SLC30A9: variants seen among roughly 807,000 people sequenced by gnomAD.
SLC30A9 encodes solute carrier family 30 member 9.
Under a neutral mutation model 87.5 loss-of-function variants are expected in SLC30A9, and 58 were observed. The ratio of observed to expected loss-of-function variants is 0.66; its 90% CI spans 0.54 to 0.82. The LOEUF (loss-of-function observed/expected upper bound fraction) is 0.82, where lower values mean the gene tolerates loss of function less well. SLC30A9 is among the 40% of genes least tolerant of loss of function. SLC30A9 has a pLI of 0.00. For missense variants in SLC30A9, 557 were observed against 679.1 expected, an observed-to-expected ratio of 0.82 and a Z score of 2.00; for synonymous variants, 234 against 233.0, an observed-to-expected ratio of 1.00 and a Z score of -0.04.
intron 8 of SLC30A9, among the ~76,000 whole-genome samples, chr4:42,039,698 T>C (rs1301782866): frequency 1.3e-5 from 2 of 152,026 alleles, no homozygotes; most frequent in Non-Finnish European, 2.9e-5. Flanking sequence ...CCTGACCTCG[T>C]GATCTGCCCA....
intron 7 of SLC30A9, among the ~76,000 whole-genome samples, chr4:42,038,420 T>C (rs762225681): frequency 3.9e-5 from 6 of 152,224 alleles, no homozygotes; most frequent in Non-Finnish European, 7.3e-5. Flanking sequence ...GTTCCCATAA[T>C]AATTTCATTG....
intron 15 of SLC30A9, among the ~76,000 whole-genome samples, chr4:42,074,182 T>C (rs2153140860): frequency 6.6e-6 from 1 of 152,326 alleles, no homozygotes; most frequent in East Asian, 1.9e-4. Flanking sequence ...CTATAAATAT[T>C]AAAACATTAA....
chr4:42,031,450 AG>A (rs1190852322), intron 6 of SLC30A9, among the ~76,000 whole-genome samples: 3 of 152,236 alleles, frequency 2.0e-5, no homozygotes, highest in Admixed American at 6.5e-5. Flanking sequence ...CGTCAATGTA[AG>A]AAGATGCTAA....
chr4:42,021,324 A>C (rs1458991626), intron 4 of SLC30A9, among the ~76,000 whole-genome samples: 1 of 152,216 alleles, frequency 6.6e-6, no homozygotes, highest in Non-Finnish European at 1.5e-5. Flanking sequence ...TGAGTCAGTG[A>C]CAGGGAGAAC....
chr4:42,012,320 G>T (rs2153134283), intron 2 of SLC30A9, among the ~76,000 whole-genome samples: 1 of 152,154 alleles, frequency 6.6e-6, no homozygotes, highest in South Asian at 2.1e-4. Flanking sequence ...GGAGTGATTT[G>T]GAATAATATC....
chr4:41,990,911 G>T (rs1577671158), intron 1 of SLC30A9, 151 bp downstream of exon 1: 2 of 630,952 alleles, frequency 3.2e-6, no homozygotes, highest in East Asian at 5.6e-5. Context: ...TTCAGCCTGC[G>T]CAGCCCGCGG....
intron 9 of SLC30A9, among the ~76,000 whole-genome samples, chr4:42,053,687 T>G (rs1717476405): frequency 1.1e-5 from 1 of 88,606 alleles, no homozygotes; most frequent in Non-Finnish European, 1.9e-5. Flanking sequence ...CAAGAGTGAC[T>G]CGGTCTCCAA....
chr4:42,078,242 C>CT lies in SLC30A9; in HGVS notation c.1580dup (p.Glu528ArgfsTer6). The CT allele has an allele frequency of 6.4e-7, 1 of 1,566,130 alleles. No homozygotes were observed. Among genetic ancestry groups the CT allele is most frequent in the Non-Finnish European group, 8.7e-7 (1 of 1,150,466 alleles). On this transcript the variant is annotated frameshift_variant, in exon 17 of 18. Coordinates refer to ENST00000264451, the MANE Select transcript of SLC30A9 (RefSeq NM_006345.4). LOFTEE classifies it high-confidence loss of function. ...TCAAGAAGTGAAAACTCCTGAAGAA[C>CT]TAGAGACCTTTATGCTTAAACATGG...
intron 1 of SLC30A9, among the ~76,000 whole-genome samples, chr4:42,000,146 G>A (rs143451517): frequency 2.3e-4 from 35 of 152,148 alleles, no homozygotes; most frequent in African/African-American, 7.5e-4. Flanking sequence ...GAAATGGGTC[G>A]TCTTCCAAGG....
chr4:42,038,193 A>G (rs947225593), intron 7 of SLC30A9, among the ~76,000 whole-genome samples: 3 of 152,000 alleles, frequency 2.0e-5, no homozygotes, highest in Non-Finnish European at 4.4e-5. Context: ...CTTGGACCTT[A>G]TCATTATTTC....
chr4:42,080,462 C>T (rs17044), intron 17 of SLC30A9, among the ~76,000 whole-genome samples: 100,196 of 152,144 alleles, frequency 0.66, 37,181 homozygotes, highest in East Asian at 0.96. Context: ...CTCTGTAATG[C>T]ATAGTATTAC....
chr4:42,018,821 A>C (rs1263034433), intron 3 of SLC30A9, among the ~76,000 whole-genome samples: 1 of 152,216 alleles, frequency 6.6e-6, no homozygotes, highest in East Asian at 1.9e-4. Context: ...AACACATGGT[A>C]GACAATTAAT....
In SLC30A9 at chr4:42,075,864, T is replaced by G. The variant is rs1718527653; in HGVS notation, c.1548+78T>G. The G allele has an allele frequency of 7.0e-6, 10 of 1,428,666 alleles. No individual in the cohort carries two copies. The Admixed American group carries it at 2.1e-4, about 30-fold the overall frequency. 88.5% of individuals were successfully genotyped at this position (1,428,666 alleles called of 1,614,324 possible). On this transcript the variant is annotated intron_variant, in intron 16 of 17. Transcript: ENST00000264451. ...AAGGTAAACAAAATGAAATTTTTTT[T>G]TATAGATCTTAAAGGCACTTTAGCT...
intron 16 of SLC30A9, 31 bp from the exon 17 acceptor site, chr4:42,078,165 CTATGGTTTTTTAAAAA>C: frequency 1.1e-6 from 1 of 907,012 alleles, no homozygotes; most frequent in East Asian, 2.5e-5. Context: ...AAGTGTACCA[CTATGGTTTTTTAAAAA>C]TTTATTTTCC....
In SLC30A9 at chr4:42,033,976, C is replaced by T. The variant is rs527827796; in HGVS notation, c.611-1299C>T. On this transcript the variant is annotated intron_variant, in intron 6 of 17. Coordinates refer to ENST00000264451, the MANE Select transcript of SLC30A9 (RefSeq NM_006345.4). ...TATAATACTCTGTTTTTTGATATAC[C>T]GTAATGTATTCAATCATTCCCCCAT... Among the ~76,000 whole-genome samples, 178 of 152,048 alleles carry T rather than the reference C, an allele frequency of 1.2e-3. 1 individual carries two copies. Among genetic ancestry groups the T allele is most frequent in the African/African-American group, 4.0e-3 (164 of 41,468 alleles).
intron 2 of SLC30A9, among the ~76,000 whole-genome samples, chr4:42,012,238 A>G (rs1013800027): frequency 3.3e-5 from 5 of 152,178 alleles, no homozygotes; most frequent in African/African-American, 9.7e-5. Context: ...AAATCAGAAT[A>G]CTATCAGCCT....
At chr4:42,000,218 T>G (rs1714920917) in intron 1 of SLC30A9, among the ~76,000 whole-genome samples, 1 of 128,120 alleles carries the variant, frequency 7.8e-6, no homozygotes, top group Non-Finnish European at 1.7e-5. Context: ...TCTATGAAAA[T>G]ATTTCATCAG....
chr4:41,995,416 C>G (rs961455081), intron 1 of SLC30A9, among the ~76,000 whole-genome samples: 1 of 151,964 alleles, frequency 6.6e-6, no homozygotes, highest in Non-Finnish European at 1.5e-5. Context: ...GCATTGGATG[C>G]CAGGCATTAT....
intron 2 of SLC30A9, among the ~76,000 whole-genome samples, chr4:42,013,062 C>T (rs1715520438): frequency 6.6e-6 from 1 of 152,158 alleles, no homozygotes; most frequent in Non-Finnish European, 1.5e-5. Flanking sequence ...GGGAGGATCA[C>T]TTGAGCCCAG....
Sources: gnomAD v4.1 joint callset for allele counts (sites outside exome capture counted in the v4.1 genomes callset) on GRCh38, gnomAD v4.1.1 for gene constraint, MANE v1.5 for transcripts, NCBI Gene and HGNC (gene_info 2026-07-23, HGNC 2026-07-21) for gene names.